Variants in TENM1 observed in about 807,000 individuals in gnomAD.
TENM1 encodes the protein teneurin transmembrane protein 1.
Under a neutral mutation model 174.8 loss-of-function variants are expected in TENM1, and 35 were observed. The ratio of observed to expected loss-of-function variants is 0.20; its 90% CI spans 0.15 to 0.27. The LOEUF (loss-of-function observed/expected upper bound fraction) is 0.27, where lower values mean the gene tolerates loss of function less well. Ranked by LOEUF, TENM1 falls within the 10% of genes least tolerant of loss-of-function variation. The probability of loss-of-function intolerance (pLI) is 1.00; values close to 1 mark genes in which losing one functional copy is unlikely to be tolerated. For missense variants in TENM1, 1,633 were observed against 2,130.1 expected (o/e 0.77, Z 4.59); for synonymous variants, 781 against 798.7 (o/e 0.98, Z 0.37).
chrX:124,464,182 T>C (rs2061215703), intron 22 of TENM1, among the ~76,000 whole-genome samples: 1 of 111,452 alleles, frequency 9.0e-6, no homozygotes, highest in African/African-American at 3.3e-5. Flanking sequence ...AGAACGTTAG[T>C]GAACAATTAG....
At chrX:125,057,068 C>A in the TENM1 span, among the ~76,000 whole-genome samples, 1 of 111,426 alleles carries the variant, frequency 9.0e-6, no homozygotes, top group South Asian at 3.7e-4. Context: ...AAATTTTTAA[C>A]GAAGACAGTA....
intron 1 of TENM1, among the ~76,000 whole-genome samples, chrX:124,930,984 G>C (rs957993804): frequency 1.8e-5 from 2 of 111,566 alleles, no homozygotes; most frequent in Admixed American, 9.5e-5. Context: ...GCTATGAATA[G>C]ACACGAGGGA....
chrX:124,660,375 C>T (rs368846849), intron 6 of TENM1, among the ~76,000 whole-genome samples: 1 of 79,334 alleles, frequency 1.3e-5, no homozygotes, highest in Non-Finnish European at 2.5e-5. Flanking sequence ...ACTCCATCTC[C>T]AAAAAAAAAA....
chrX:124,563,441 T>C (rs2048868626), intron 13 of TENM1, among the ~76,000 whole-genome samples: 1 of 109,285 alleles, frequency 9.2e-6, no homozygotes, highest in African/African-American at 3.3e-5. Flanking sequence ...ATTACCTGTG[T>C]AATACACACA....
chrX:124,925,478 T>G (rs2058080410), intron 1 of TENM1, among the ~76,000 whole-genome samples: 1 of 112,215 alleles, frequency 8.9e-6, no homozygotes, highest in African/African-American at 3.2e-5. Flanking sequence ...TTTAACATGT[T>G]TAGCATGTTT....
intron 3 of TENM1, among the ~76,000 whole-genome samples, chrX:124,752,337 C>A (rs1157646094): frequency 9.0e-6 from 1 of 111,134 alleles, no homozygotes; most frequent in Non-Finnish European, 1.9e-5. Flanking sequence ...TTTGATGGGG[C>A]TGTTTGTTTT....
intron 1 of TENM1, among the ~76,000 whole-genome samples, chrX:124,915,411 G>A (rs936007221): frequency 5.4e-5 from 6 of 111,489 alleles, no homozygotes; most frequent in African/African-American, 1.3e-4. Flanking sequence ...CGTAATCCCA[G>A]CTACCCGGGA....
At chrX:124,801,493 T>A (rs184485038) in intron 3 of TENM1, among the ~76,000 whole-genome samples, 1 of 111,990 alleles carries the variant, frequency 8.9e-6, no homozygotes. Flanking sequence ...GCATGTAAGA[T>A]GGGTCTCCTG....
intron 15 of TENM1, among the ~76,000 whole-genome samples, chrX:124,545,887 A>T (rs1186565158): frequency 3.6e-5 from 4 of 112,081 alleles, no homozygotes; most frequent in East Asian, 2.8e-4. Context: ...TAAAAAAAAA[A>T]TTTTAAACTT....
At chrX:124,559,932 A>T (rs2048775394) in intron 14 of TENM1, among the ~76,000 whole-genome samples, 1 of 110,943 alleles carries the variant, frequency 9.0e-6, no homozygotes, top group African/African-American at 3.3e-5. Context: ...CAGAAGTTTC[A>T]TGGGAGATAT....
the TENM1 span, among the ~76,000 whole-genome samples, chrX:124,992,356 A>G: frequency 0.038 from 4,167 of 110,357 alleles, 186 homozygotes; most frequent in African/African-American, 0.13. Flanking sequence ...GGATCAGAAA[A>G]CAACACCCCA....
the TENM1 span, among the ~76,000 whole-genome samples, chrX:125,050,039 T>C: frequency 9.1e-6 from 1 of 110,170 alleles, no homozygotes; most frequent in African/African-American, 3.3e-5. Flanking sequence ...TCATCAGAAC[T>C]ATCAATGCTG....
chrX:125,055,069 G>GA, the TENM1 span, among the ~76,000 whole-genome samples: 1 of 111,138 alleles, frequency 9.0e-6, no homozygotes, highest in Non-Finnish European at 1.9e-5. Context: ...TTTCCAAAAA[G>GA]AAAAAAACTC....
intron 23 of TENM1, among the ~76,000 whole-genome samples, chrX:124,442,349 A>AT (rs775402844): frequency 1.8e-5 from 2 of 111,693 alleles, no homozygotes. Context: ...TATAATTCAG[A>AT]TTTTCTTGAT....
At chrX:124,762,583 T>C (rs776321165) in intron 3 of TENM1, among the ~76,000 whole-genome samples, 1 of 111,730 alleles carries the variant, frequency 9.0e-6, no homozygotes, top group East Asian at 2.8e-4. Context: ...TCAGACATTC[T>C]GAGTAAATGA....
At chrX:124,453,018 AT>A (rs1216776516) in intron 23 of TENM1, among the ~76,000 whole-genome samples, 8 of 111,534 alleles carry the variant, frequency 7.2e-5, no homozygotes, top group Admixed American at 1.9e-4. Flanking sequence ...AATAAAAAAA[AT>A]AATAATAGAA....
At chrX:124,589,542 G>T (rs1467402577) in intron 11 of TENM1, among the ~76,000 whole-genome samples, 1 of 110,929 alleles carries the variant, frequency 9.0e-6, no homozygotes, top group African/African-American at 3.3e-5. Context: ...GAATCCATCT[G>T]TTTGGGGCTC....
chrX:125,056,602 A>G, the TENM1 span, among the ~76,000 whole-genome samples: 1 of 111,291 alleles, frequency 9.0e-6, no homozygotes, highest in Admixed American at 9.7e-5. Flanking sequence ...CAGCAGACTG[A>G]TGACCTAGAA....
the TENM1 span, among the ~76,000 whole-genome samples, chrX:125,072,552 A>G: frequency 9.0e-6 from 1 of 111,547 alleles, no homozygotes; most frequent in Non-Finnish European, 1.9e-5. Context: ...AGGAAGTGTC[A>G]TTAGGCAAGG....
Sources: allele counts gnomAD v4.1 joint callset (sites outside exome capture counted in the v4.1 genomes callset), GRCh38; gene constraint gnomAD v4.1.1; transcripts MANE v1.5; gene names NCBI Gene and HGNC (gene_info 2026-07-23, HGNC 2026-07-21).